Variants in TENT4B observed in about 807,000 individuals in gnomAD.
TENT4B encodes PAP associated domain containing 5.
Under a neutral mutation model 75.0 loss-of-function variants are expected in TENT4B, and 10 were observed. The observed-to-expected ratio is 0.13, with a 90% CI of 0.08 to 0.23. TENT4B has a LOEUF of 0.23. Ranked by LOEUF, TENT4B falls within the 10% of genes least tolerant of loss-of-function variation. The pLI, the probability that TENT4B is intolerant of heterozygous loss-of-function variation, is 1.00. For missense variants in TENT4B, 579 were observed against 893.8 expected, an observed-to-expected ratio of 0.65 and a Z score of 4.49; for synonymous variants, 350 against 357.7, an observed-to-expected ratio of 0.98 and a Z score of 0.24.
At chr16:50,204,269 C>T (rs1239956398) in intron 1 of TENT4B, among the ~76,000 whole-genome samples, 1 of 152,040 alleles carries the variant, frequency 6.6e-6, no homozygotes, top group Non-Finnish European at 1.5e-5. Flanking sequence ...ACTCAGAGCA[C>T]GGTCAGGGAA....
intron 5 of TENT4B, among the ~76,000 whole-genome samples, chr16:50,220,247 C>T (rs563580234): frequency 4.6e-5 from 7 of 152,092 alleles, no homozygotes; most frequent in African/African-American, 1.2e-4. Context: ...CTCAGCCTCC[C>T]GCAGTGCTGG....
chr16:50,153,481 G>C lies in TENT4B; in HGVS notation c.-141G>C. ...CCTGCGCGACCGCGCCGCCCGCGGC[G>C]GGCCCCGAGCAGCAGCAGCAGCAGC... On this transcript the variant is annotated 5_prime_UTR_variant, in exon 1 of 12. Coordinates refer to ENST00000561678, the MANE Select transcript of TENT4B (RefSeq NM_001365324.3). The C allele has an allele frequency of 1.0e-6, 1 of 973,650 alleles. No individual in the cohort carries two copies. The highest frequency in any genetic ancestry group is 4.7e-5 in the South Asian group (1 of 21,140). The allele number at this position is 973,650 out of a possible 1,614,324, so 60.3% of individuals were successfully genotyped here. A position where few individuals can be genotyped will look rare whatever the true frequency, so the allele number is the denominator to read the frequency against.
At chr16:50,220,049 C>T (rs1398456371) in intron 5 of TENT4B, among the ~76,000 whole-genome samples, 3 of 150,494 alleles carry the variant, frequency 2.0e-5, no homozygotes, top group Non-Finnish European at 3.0e-5. Context: ...AGTGCAGTGG[C>T]GCGATCTTGG....
intron 1 of TENT4B, among the ~76,000 whole-genome samples, chr16:50,186,689 C>G (rs2038533678): frequency 6.6e-6 from 1 of 152,024 alleles, no homozygotes; most frequent in African/African-American, 2.4e-5. Flanking sequence ...AATCATTTTA[C>G]CTTCCCACAA....
chr16:50,222,855 C>T (rs1428542272), intron 6 of TENT4B, among the ~76,000 whole-genome samples: 1 of 152,166 alleles, frequency 6.6e-6, no homozygotes, highest in Non-Finnish European at 1.5e-5. Flanking sequence ...GTTTATGTGG[C>T]ACAGGGTTGC....
chr16:50,192,397 TTAATTC>T (rs1024327451), intron 1 of TENT4B, among the ~76,000 whole-genome samples: 8 of 152,162 alleles, frequency 5.3e-5, no homozygotes, highest in African/African-American at 1.4e-4. Flanking sequence ...TCTAAAAACT[TTAATTC>T]TATAGATTTC....
At chr16:50,166,076 A>G (rs2150675265) in intron 1 of TENT4B, among the ~76,000 whole-genome samples, 2 of 144,040 alleles carry the variant, frequency 1.4e-5, no homozygotes, top group East Asian at 4.0e-4. Flanking sequence ...CATACTTGAC[A>G]GCACTTTTTT....
chr16:50,188,416 G>A (rs939038326), intron 1 of TENT4B, among the ~76,000 whole-genome samples: 1 of 152,176 alleles, frequency 6.6e-6, no homozygotes, highest in Admixed American at 6.5e-5. Context: ...AGTTAAAATT[G>A]TATTGTTTGG....
chr16:50,230,180 C>A lies in TENT4B; in HGVS notation c.*852C>A, dbSNP rs2032238552. On this transcript the variant is annotated 3_prime_UTR_variant, in exon 12 of 12. Coordinates refer to ENST00000561678, the MANE Select transcript of TENT4B (RefSeq NM_001365324.3). ...AACACTGAAAAATCTCTGGTCATCT[C>A]CGAGAATTAACTTGCAACTGTTTTC... The A allele has an allele frequency of 1.0e-6, 1 of 984,472 alleles. No homozygotes were observed. The highest frequency in any genetic ancestry group is 1.2e-6 in the Non-Finnish European group (1 of 829,824). The allele number at this position is 984,472 out of a possible 1,614,324, so 61.0% of individuals were successfully genotyped here. A position where few individuals can be genotyped will look rare whatever the true frequency, so the allele number is the denominator to read the frequency against.
chr16:50,181,599 C>G (rs970395626), intron 1 of TENT4B, among the ~76,000 whole-genome samples: 3 of 151,888 alleles, frequency 2.0e-5, no homozygotes, highest in Admixed American at 6.6e-5. Flanking sequence ...GCCACCATGC[C>G]CAGCCTTCAC....
At position 50,230,950 on chromosome 16, in the gene TENT4B, T is replaced by TAG; in HGVS notation, c.*1623_*1624dup. On this transcript the variant is annotated 3_prime_UTR_variant, in exon 12 of 12. Transcript: ENST00000561678. Reference sequence around the variant, plus strand: ...ATACATATAAAGTACTATTGGCTTTTAGGAGTTTCTTTTATATACATTTAT... The same window carrying TAG: ...ATACATATAAAGTACTATTGGCTTTTAGAGGAGTTTCTTTTATATACATTTAT... 1.0e-6 allele frequency: 1 copy of TAG among 979,512 alleles called. No homozygotes were observed. The highest frequency in any genetic ancestry group is 1.2e-6 in the Non-Finnish European group (1 of 824,170). 60.7% of individuals were successfully genotyped at this position (979,512 alleles called of 1,614,324 possible).
At position 50,230,595 on chromosome 16, in the gene TENT4B, CT is replaced by C. The variant is rs2032260556; in HGVS notation, c.*1269del. 1 of 979,958 alleles carries C rather than the reference CT, an allele frequency of 1.0e-6. No homozygotes were observed. Among genetic ancestry groups the C allele is most frequent in the Admixed American group, 6.2e-5 (1 of 16,236 alleles). The allele number at this position is 979,958 out of a possible 1,614,324, so 60.7% of individuals were successfully genotyped here. A position where few individuals can be genotyped will look rare whatever the true frequency, so the allele number is the denominator to read the frequency against. On this transcript the variant is annotated 3_prime_UTR_variant, in exon 12 of 12. Coordinates refer to ENST00000561678, the MANE Select transcript of TENT4B (RefSeq NM_001365324.3). ...TGATAATGGATCTATTTTGTATTGC[CT>C]TATTAAGACCAAATACTTCTTGTCA...
chr16:50,199,432 G>A (rs534744475), intron 1 of TENT4B, among the ~76,000 whole-genome samples: 97 of 152,238 alleles, frequency 6.4e-4, no homozygotes, highest in Non-Finnish European at 9.4e-4. Context: ...GCATACTGGA[G>A]CAGCATTTAC....
rs567664455 is a variant in TENT4B, at chr16:50,229,949, T to C, written c.*621T>C. ...TTTTTCTCAGGATTAGTTTGAAAAA[T>C]AATCTAAATTGTCATCTTAACATCC... On this transcript the variant is annotated 3_prime_UTR_variant, in exon 12 of 12. Coordinates refer to ENST00000561678, the MANE Select transcript of TENT4B (RefSeq NM_001365324.3). The C allele has an allele frequency of 3.3e-3, 3,102 of 942,872 alleles. 4 individuals are homozygous for C. The highest frequency in any genetic ancestry group is 6.9e-3 in the Admixed American group (112 of 16,206). 58.4% of individuals were successfully genotyped at this position (942,872 alleles called of 1,614,324 possible). A position where few individuals can be genotyped will look rare whatever the true frequency, so the allele number is the denominator to read the frequency against.
chr16:50,156,691 G>C (rs2037907856), intron 1 of TENT4B, among the ~76,000 whole-genome samples: 1 of 151,818 alleles, frequency 6.6e-6, no homozygotes, highest in Admixed American at 6.6e-5. Flanking sequence ...GTCTCACTCT[G>C]CTGCCTAGGC....
rs2032392605 is a variant in TENT4B, at chr16:50,234,638, TAAA to T, written c.*5314_*5316del. On this transcript the variant is annotated 3_prime_UTR_variant, in exon 12 of 12. Coordinates refer to ENST00000561678, the MANE Select transcript of TENT4B (RefSeq NM_001365324.3). The stretch of plus-strand genomic sequence containing the variant: ...ATATTGAAACTTACAGAAGTCACTT[TAAA>T]AAAGTCTTTTGAAAGTCCTACAATC... 1 of 985,266 alleles carries T rather than the reference TAAA, an allele frequency of 1.0e-6. No homozygotes were observed. Among genetic ancestry groups the T allele is most frequent in the Admixed American group, 6.2e-5 (1 of 16,252 alleles). The allele number at this position is 985,266 out of a possible 1,614,324, so 61.0% of individuals were successfully genotyped here.
intron 1 of TENT4B, among the ~76,000 whole-genome samples, chr16:50,198,431 A>G (rs917152943): frequency 2.7e-5 from 4 of 149,160 alleles, no homozygotes; most frequent in Non-Finnish European, 3.0e-5. Context: ...AAAAAAAAAA[A>G]AAGAAGAAAA....
intron 2 of TENT4B, among the ~76,000 whole-genome samples, chr16:50,211,924 T>A (rs557349720): frequency 1.7e-4 from 26 of 152,344 alleles, no homozygotes; most frequent in Middle Eastern, 3.4e-3. Flanking sequence ...TCTTTTCTTA[T>A]TTCTTTCCTG....
In TENT4B at chr16:50,220,349, C is replaced by CT. The variant is rs532463365; in HGVS notation, c.1039-1948dup. On this transcript the variant is annotated intron_variant, in intron 5 of 11. Transcript: ENST00000561678. ...TTGCTATGTGGCCACTTTTTTTTTTCTTTTTTTTTAAGTAGAGATAAGGTC... is the reference window on the plus strand; with the variant it reads ...TTGCTATGTGGCCACTTTTTTTTTTCTTTTTTTTTTAAGTAGAGATAAGGTC... Among the ~76,000 whole-genome samples the CT allele has an allele frequency of 1.1e-4, 16 of 146,860 alleles. No individual in the cohort carries two copies. The East Asian group carries it at 2.0e-3, about 18-fold the overall frequency.
Sources: gnomAD v4.1 joint callset for allele counts (sites outside exome capture counted in the v4.1 genomes callset) on GRCh38, gnomAD v4.1.1 for gene constraint, MANE v1.5 for transcripts, NCBI Gene and HGNC (gene_info 2026-07-23, HGNC 2026-07-21) for gene names.